PPP2R2A: variants seen among roughly 807,000 people sequenced by gnomAD.
PPP2R2A encodes the protein serine/threonine-protein phosphatase 2A 55 kDa regulatory subunit B alpha isoform.
A neutral mutation model predicts 53.2 loss-of-function variants in PPP2R2A; 9 were observed. That is an observed-to-expected ratio of 0.17 (90% CI 0.10 to 0.30). The LOEUF is 0.30. PPP2R2A is among the 10% of genes least tolerant of loss of function. The pLI, the probability that PPP2R2A is intolerant of heterozygous loss-of-function variation, is 1.00. For missense variants in PPP2R2A, 235 were observed against 534.6 expected (o/e 0.44, Z 5.53); for synonymous variants, 169 against 174.2 (o/e 0.97, Z 0.23).
At chr8:26,355,679 A>G (rs987159027) in intron 4 of PPP2R2A, among the ~76,000 whole-genome samples, 29 of 152,106 alleles carry the variant, frequency 1.9e-4, no homozygotes, top group Non-Finnish European at 3.1e-4. Context: ...CCTGGCTAAC[A>G]TGGTGAAACC....
chr8:26,332,508 C>T (rs1803439896), intron 2 of PPP2R2A, among the ~76,000 whole-genome samples: 1 of 151,254 alleles, frequency 6.6e-6, no homozygotes, highest in Non-Finnish European at 1.5e-5. Context: ...TAACTTGGTC[C>T]TTATGTCTTG....
At position 26,321,528 on chromosome 8, in the gene PPP2R2A, A is replaced by G. The variant is rs1029130622; in HGVS notation, c.83-17362A>G. 6.6e-6 allele frequency among the ~76,000 whole-genome samples: 1 copy of G among 152,178 alleles called. No homozygotes were observed. The highest frequency in any genetic ancestry group is 1.5e-5 in the Non-Finnish European group (1 of 68,028). On this transcript the variant is annotated intron_variant, in intron 2 of 9. Coordinates refer to ENST00000380737, the MANE Select transcript of PPP2R2A (RefSeq NM_002717.4). The surrounding 1 kb of genome is among the most constrained non-coding windows in gnomAD (Gnocchi z 4.1). The stretch of plus-strand genomic sequence containing the variant: ...GCTGCTTCAGAGGTTAGGTTACAGA[A>G]AGGTTTTGGCATCCATGTTGGGCTG...
intron 3 of PPP2R2A, among the ~76,000 whole-genome samples, chr8:26,353,367 T>C (rs1804615585): frequency 6.6e-6 from 1 of 152,216 alleles, no homozygotes; most frequent in South Asian, 2.1e-4. Flanking sequence ...ATCATCAGGC[T>C]GCTGGAAAAA....
chr8:26,362,189 TAAATAA>T lies in PPP2R2A; in HGVS notation c.638-489_638-484del. On this transcript the variant is annotated intron_variant, in intron 6 of 9. Transcript: ENST00000380737. The surrounding 1 kb of genome is among the most constrained non-coding windows in gnomAD (Gnocchi z 4.4). The stretch of plus-strand genomic sequence containing the variant: ...ACGCAAGTCATGATGCATGATTGGG[TAAATAA>T]AAATATTCTATTGAGGCCGGGCACA... 6.6e-6 allele frequency among the ~76,000 whole-genome samples: 1 copy of T among 151,604 alleles called. No individual in the cohort carries two copies. The highest frequency in any genetic ancestry group is 1.5e-5 in the Non-Finnish European group (1 of 67,880).
chr8:26,332,767 T>G (rs1803452894), intron 2 of PPP2R2A, among the ~76,000 whole-genome samples: 2 of 152,242 alleles, frequency 1.3e-5, no homozygotes, highest in Admixed American at 1.3e-4. Flanking sequence ...TAGTATAAAG[T>G]TGATGTTGCT....
At chr8:26,294,805 G>A (rs1801473459) in intron 2 of PPP2R2A, among the ~76,000 whole-genome samples, 1 of 152,094 alleles carries the variant, frequency 6.6e-6, no homozygotes, top group South Asian at 2.1e-4. Context: ...TTAGAGTGTG[G>A]TGAATCCTAT....
At position 26,294,748 on chromosome 8, in the gene PPP2R2A, C is replaced by T. The variant is rs58444749; in HGVS notation, c.82+1008C>T. Among the ~76,000 whole-genome samples the T allele has an allele frequency of 4.4e-3, 674 of 152,016 alleles. 3 individuals carry two copies. Among genetic ancestry groups the T allele is most frequent in the African/African-American group, 0.015 (640 of 41,444 alleles). On this transcript the variant is annotated intron_variant, in intron 2 of 9. Coordinates refer to ENST00000380737, the MANE Select transcript of PPP2R2A (RefSeq NM_002717.4). ...TTTTTTTCAGGTGGTGGGTGGTAGC[C>T]GAACTCTCTTATTTGCTTGTGTCAG...
In PPP2R2A at chr8:26,354,441, G is replaced by C. The variant is rs773535161; in HGVS notation, c.181-27G>C. 3 of 1,472,964 alleles carry C rather than the reference G, an allele frequency of 2.0e-6. No homozygotes were observed. Among genetic ancestry groups the C allele is most frequent in the Non-Finnish European group, 2.7e-6 (3 of 1,094,856 alleles). The allele number at this position is 1,472,964 out of a possible 1,614,324, so 91.2% of individuals were successfully genotyped here. ...TATTTTGAAATATTTTTCAACAATG[G>C]TCCATATATTTTTGTTTTCATTTTA... On this transcript the variant is annotated intron_variant, in intron 3 of 9. Transcript: ENST00000380737. This position sits in a 1 kb window ranked among gnomAD's most constrained non-coding sequence, Gnocchi z 4.6.
rs1805040484 is a variant in PPP2R2A, at chr8:26,360,795, G to C, written c.460-179G>C. ...TAAAAGAAGATATATTATCCACATTGTTCATTTTTTCTTCAGCACTCGAAA... is the reference window on the plus strand; with the variant it reads ...TAAAAGAAGATATATTATCCACATTCTTCATTTTTTCTTCAGCACTCGAAA... On this transcript the variant is annotated intron_variant, in intron 5 of 9. Transcript: ENST00000380737. The surrounding 1 kb of genome is among the most constrained non-coding windows in gnomAD (Gnocchi z 4.5). The C allele has an allele frequency of 1.8e-6, 1 of 551,000 alleles. No individual in the cohort carries two copies. The highest frequency in any genetic ancestry group is 2.0e-5 in the African/African-American group (1 of 50,410). The allele number at this position is 551,000 out of a possible 1,614,324, so 34.1% of individuals were successfully genotyped here.
intron 2 of PPP2R2A, among the ~76,000 whole-genome samples, chr8:26,319,582 C>T (rs1198732049): frequency 6.6e-6 from 1 of 151,920 alleles, no homozygotes. Context: ...TGTGGATATC[C>T]AGTTTTCCTA....
At chr8:26,343,481 C>T (rs1039118291) in intron 3 of PPP2R2A, among the ~76,000 whole-genome samples, 8 of 151,652 alleles carry the variant, frequency 5.3e-5, no homozygotes, top group South Asian at 2.1e-4. Flanking sequence ...AAGCAGTTCT[C>T]CTGCCTCAGC....
intron 2 of PPP2R2A, among the ~76,000 whole-genome samples, chr8:26,336,447 G>T (rs1050821245): frequency 6.6e-6 from 1 of 151,762 alleles, no homozygotes; most frequent in Non-Finnish European, 1.5e-5. Context: ...ATAAATTGGC[G>T]TGGAATGTGC....
chr8:26,327,215 T>G (rs1462415176), intron 2 of PPP2R2A, among the ~76,000 whole-genome samples: 1 of 152,118 alleles, frequency 6.6e-6, no homozygotes, highest in Non-Finnish European at 1.5e-5. Context: ...AAATCGAGGG[T>G]GTGCCCTGAC....
At chr8:26,313,421 G>T (rs762852300) in intron 2 of PPP2R2A, among the ~76,000 whole-genome samples, 6 of 152,104 alleles carry the variant, frequency 3.9e-5, no homozygotes, top group African/African-American at 9.7e-5. Flanking sequence ...ACTGAGGTCC[G>T]CTAGGCTCTT....
In PPP2R2A at chr8:26,291,769, A is replaced by G. The variant is rs371205532; in HGVS notation, c.-51A>G. 8.3e-5 allele frequency: 132 copies of G among 1,583,906 alleles called. No homozygotes were observed. The African/African-American group carries it at 1.7e-3, about 20-fold the overall frequency. On this transcript the variant is annotated 5_prime_UTR_variant, in exon 1 of 10. Transcript: ENST00000380737. ...ATCCCCAGGTGAGGGGGGTGAGTTC[A>G]GGAAGCGGAGACCCCGAGGAACCCA...
rs550845725 is a variant in PPP2R2A at position 26,341,648 on chromosome 8, G to A, written c.180+2661G>A. On this transcript the variant is annotated intron_variant, in intron 3 of 9. Transcript: ENST00000380737. ...TTATATGTTCATTCCAGAGTACACT[G>A]GTGCCTAATGTTTCTTAGACTCTGA... Among the ~76,000 whole-genome samples the A allele has an allele frequency of 2.0e-5, 3 of 152,284 alleles. No individual in the cohort carries two copies. In the South Asian group the frequency reaches 6.2e-4, roughly 32 times the overall value.
chr8:26,351,409 G>T (rs1804506134), intron 3 of PPP2R2A, among the ~76,000 whole-genome samples: 1 of 152,054 alleles, frequency 6.6e-6, no homozygotes, highest in African/African-American at 2.4e-5. Context: ...ATAAATTGTA[G>T]AATTAACTTC....
chr8:26,303,558 A>C (rs2117208115), intron 2 of PPP2R2A, among the ~76,000 whole-genome samples: 1 of 152,322 alleles, frequency 6.6e-6, no homozygotes, highest in Non-Finnish European at 1.5e-5. Context: ...AGAGAGAGGG[A>C]ACAATGTTTT....
chr8:26,352,619 C>T (rs1024865446), intron 3 of PPP2R2A, among the ~76,000 whole-genome samples: 7 of 152,138 alleles, frequency 4.6e-5, no homozygotes, highest in African/African-American at 1.7e-4. Flanking sequence ...AATTTATTTC[C>T]TGTTGCAAAG....
Sources: gnomAD v4.1 joint callset for allele counts (sites outside exome capture counted in the v4.1 genomes callset) on GRCh38, gnomAD v4.1.1 for gene constraint, Gnocchi (gnomAD v3.1) non-coding constraint, MANE v1.5 for transcripts, NCBI Gene and HGNC (gene_info 2026-07-23, HGNC 2026-07-21) for gene names.